Variants in WEE2 observed in about 807,000 individuals in gnomAD.
WEE2 encodes wee1-like protein kinase 2.
In WEE2, 50 loss-of-function variants were observed where a neutral mutation model predicts 60.1. The ratio of observed to expected loss-of-function variants is 0.83; its 90% CI spans 0.66 to 1.05. The LOEUF (loss-of-function observed/expected upper bound fraction) is 1.05. WEE2 is among the 50% of genes least tolerant of loss of function. The probability of loss-of-function intolerance (pLI) is 0.00; values close to 1 mark genes in which losing one functional copy is unlikely to be tolerated. For synonymous variants in WEE2, 240 were observed against 241.0 expected, an observed-to-expected ratio of 1.00 and a Z score of 0.04; for missense variants, 631 against 684.3, an observed-to-expected ratio of 0.92 and a Z score of 0.87.
At chr7:141,727,087 T>G (rs1799030733) in intron 9 of WEE2, 1 of 470,538 alleles carries the variant, frequency 2.1e-6, no homozygotes, top group East Asian at 3.1e-5. Flanking sequence ...AAAATATGAT[T>G]AAAAACAAAT....
intron 10 of WEE2, among the ~76,000 whole-genome samples, chr7:141,728,850 T>C (rs577880761): frequency 6.6e-6 from 1 of 152,298 alleles, no homozygotes; most frequent in South Asian, 2.1e-4. Context: ...ACTGTGCATG[T>C]GAGGGATCTA....
intron 2 of WEE2, 39 bp downstream of exon 2, chr7:141,714,444 C>A: frequency 6.8e-7 from 1 of 1,468,846 alleles, no homozygotes; most frequent in Non-Finnish European, 9.3e-7. Context: ...AGAACTGACC[C>A]TACTACAGTC....
At chr7:141,718,720 C>T (rs760273138) in intron 3 of WEE2, among the ~76,000 whole-genome samples, 5 of 152,122 alleles carry the variant, frequency 3.3e-5, no homozygotes, top group Admixed American at 6.6e-5. Flanking sequence ...TTGCTCCACC[C>T]AGGTCCCAGT....
chr7:141,720,808 TAAGC>T, intron 4 of WEE2, 123 bp from the exon 5 acceptor site: 1 of 1,006,832 alleles, frequency 9.9e-7, no homozygotes, highest in Non-Finnish European at 1.5e-6. Flanking sequence ...GATAAAATAG[TAAGC>T]AAGCAGTGAG....
At chr7:141,719,361 A>G (rs1798863785) in intron 4 of WEE2, 117 bp downstream of exon 4, 1 of 968,424 alleles carries the variant, frequency 1.0e-6, no homozygotes. Context: ...TTTTAAAATC[A>G]CCCCACATTA....
intron 1 of WEE2, among the ~76,000 whole-genome samples, chr7:141,710,017 G>C (rs565962081): frequency 1.3e-5 from 2 of 152,248 alleles, no homozygotes; most frequent in South Asian, 4.1e-4. Flanking sequence ...AGTACCTGCT[G>C]GGTGTGGGTA....
Position 141,714,263 on chromosome 7 carries a change from C to T in WEE2, c.397C>T (p.Pro133Ser), listed in dbSNP as rs1209466304. 1.2e-6 allele frequency: 2 copies of T among 1,613,686 alleles called. No individual in the cohort carries two copies. The highest frequency in any genetic ancestry group is 1.7e-6 in the Non-Finnish European group (2 of 1,179,848). Residue 133 changes from proline (P) to serine (S), a missense_variant, in exon 2 of 12, where the codon CCT becomes TCT. Coordinates refer to ENST00000397541, the MANE Select transcript of WEE2 (RefSeq NM_001105558.1). ...AACAGGGAAGCTTCCTTCCAGAGGC[C>T]CTAAGCATTTGAAGCTCACACCTGC... ...SPTGKLPSRG[P>S]KHLKLTPAPL...
rs753880060 is a variant in WEE2 at position 141,721,069 on chromosome 7, T to C, written c.880+13T>C. 3 of 1,613,620 alleles carry C rather than the reference T, an allele frequency of 1.9e-6. No homozygotes were observed. The East Asian group carries it at 6.7e-5, about 36-fold the overall frequency. ...GAATACTGCAATGGTAAGTAGTATA[T>C]AGATGAATAACTACGAAGAGGGAGA... On this transcript the variant is annotated intron_variant, in intron 5 of 11. Transcript: ENST00000397541.
intron 3 of WEE2, among the ~76,000 whole-genome samples, chr7:141,718,234 T>G (rs771041677): frequency 3.0e-4 from 46 of 152,288 alleles, no homozygotes; most frequent in Middle Eastern, 6.8e-3. Flanking sequence ...AAAAGATGAC[T>G]TTGGGAGATA....
chr7:141,714,067 A>G lies in WEE2; in HGVS notation c.343-142A>G, dbSNP rs116153107. 917 of 628,496 alleles carry G rather than the reference A, an allele frequency of 1.5e-3. 4 individuals are homozygous for G. In the African/African-American group the frequency reaches 0.016, roughly 11 times the overall value. 38.9% of individuals were successfully genotyped at this position (628,496 alleles called of 1,614,324 possible). ...AGTTTTCATAAGAGGAGCAGTTACA[A>G]TGCAACCAGTTCACATGGAACCAGA... On this transcript the variant is annotated intron_variant, in intron 1 of 11. Coordinates refer to ENST00000397541, the MANE Select transcript of WEE2 (RefSeq NM_001105558.1).
chr7:141,708,783 G>A lies in WEE2; in HGVS notation c.25G>A (p.Glu9Lys). Reference sequence around the variant, plus strand: ...GATGGATGACAAAGATATTGACAAAGAACTAAGGCAGAAATTAAACTTTTC... The same window carrying A: ...GATGGATGACAAAGATATTGACAAAAAACTAAGGCAGAAATTAAACTTTTC... MDDKDIDK[E>K]LRQKLNFSYC... is the part of the protein sequence containing the mutation. The change falls in exon 1 of 12, where the codon GAA (glutamate) becomes AAA (lysine). Residue 9 changes from glutamate (E) to lysine (K), a missense_variant. Physicochemically the swap from Glu to Lys is moderately conservative, Grantham distance 56. Coordinates refer to ENST00000397541, the MANE Select transcript of WEE2 (RefSeq NM_001105558.1). The A allele has an allele frequency of 6.2e-7, 1 of 1,613,950 alleles. No homozygotes were observed. The highest frequency in any genetic ancestry group is 8.5e-7 in the Non-Finnish European group (1 of 1,179,896).
At position 141,723,154 on chromosome 7, in the gene WEE2, AT is replaced by A; in HGVS notation, c.902del (p.Ile301AsnfsTer59). 6.2e-7 allele frequency: 1 copy of A among 1,614,176 alleles called. No individual in the cohort carries two copies. Among genetic ancestry groups the A allele is most frequent in the Non-Finnish European group, 8.5e-7 (1 of 1,180,010 alleles). On this transcript the variant is annotated frameshift_variant, in exon 6 of 12. Coordinates refer to ENST00000397541, the MANE Select transcript of WEE2 (RefSeq NM_001105558.1). LOFTEE classifies it high-confidence loss of function. Reference sequence around the variant, plus strand: ...CCCAGGTGGGAGTTTGCAAGCTGCTATATCTGAAAACACTAAGTCTGGCAAT... The same window carrying A: ...CCCAGGTGGGAGTTTGCAAGCTGCTAATCTGAAAACACTAAGTCTGGCAAT... Reference protein sequence around the residue: ...YCNGGSLQAAISENTKSGNHF... With the variant: ...YCNGGSLQAAXSENTKSGNHF...
Position 141,719,174 on chromosome 7 carries a change from A to G in WEE2, c.688A>G (p.Ile230Val), listed in dbSNP as rs1798859407. Residue 230 changes from isoleucine to valine, a missense_variant, in exon 4 of 12, where the codon ATT becomes GTT. By Grantham distance (29) the Ile-to-Val change is conservative. Coordinates refer to ENST00000397541, the MANE Select transcript of WEE2 (RefSeq NM_001105558.1). ...CGAATTTGGTACAGTCTACAAGTGC[A>G]TTAAGAGGCTGGATGGATGTGTTTA... ...VGEFGTVYKCIKRLDGCVYAI... is the reference protein window; with the variant it reads ...VGEFGTVYKCVKRLDGCVYAI... 9.3e-6 allele frequency: 15 copies of G among 1,614,054 alleles called. No individual in the cohort carries two copies. Among genetic ancestry groups the G allele is most frequent in the East Asian group, 2.2e-5 (1 of 44,866 alleles).
intron 8 of WEE2, 120 bp from the exon 9 acceptor site, chr7:141,724,906 G>T: frequency 8.9e-7 from 1 of 1,117,602 alleles, no homozygotes; most frequent in South Asian, 1.6e-5. Flanking sequence ...ATGTATCTTT[G>T]ACCGTCGTGT....
intron 3 of WEE2, among the ~76,000 whole-genome samples, chr7:141,717,862 G>A (rs1257485826): frequency 1.3e-5 from 2 of 152,122 alleles, no homozygotes; most frequent in Non-Finnish European, 2.9e-5. Flanking sequence ...TGGTATACTG[G>A]CTTCATTGGT....
intron 8 of WEE2, 31 bp downstream of exon 8, chr7:141,724,306 T>C: frequency 1.3e-6 from 2 of 1,574,320 alleles, no homozygotes; most frequent in South Asian, 1.2e-5. Flanking sequence ...GGGTATTTTA[T>C]AATCTGTTGA....
In WEE2 at chr7:141,709,035, G is replaced by C. The variant is rs377478179; in HGVS notation, c.277G>C (p.Glu93Gln). ...AGTGTCACACCCTCTCAAATGTCCT[G>C]AGACACCAGCCCAACCAGACAGCAG... ...TPVSHPLKCP[E>Q]TPAQPDSRSK... The change falls in exon 1 of 12, where the codon GAG becomes CAG. Residue 93 changes from glutamate (E) to glutamine (Q), a missense_variant. Glu to Gln is a conservative substitution (Grantham distance 29). Transcript: ENST00000397541. 26 of 1,613,994 alleles carry C rather than the reference G, an allele frequency of 1.6e-5. No homozygotes were observed. The highest frequency in any genetic ancestry group is 1.6e-4 in the Middle Eastern group (1 of 6,084).
intron 9 of WEE2, among the ~76,000 whole-genome samples, chr7:141,726,357 T>C (rs1799018034): frequency 2.0e-5 from 3 of 152,198 alleles, no homozygotes; most frequent in African/African-American, 7.2e-5. Flanking sequence ...CATAGCTTAC[T>C]GCAGCCTTGA....
intron 4 of WEE2, chr7:141,720,661 AC>A (rs945180857): frequency 2.5e-4 from 106 of 416,802 alleles, no homozygotes; most frequent in Non-Finnish European, 3.8e-4. Flanking sequence ...TAAAAAAAAA[AC>A]AATGGACTTT....
Sources: allele counts gnomAD v4.1 joint callset (sites outside exome capture counted in the v4.1 genomes callset), GRCh38; gene constraint gnomAD v4.1.1; transcripts MANE v1.5; gene names NCBI Gene and HGNC (gene_info 2026-07-23, HGNC 2026-07-21).